The following SCAI variants were observed in gnomAD, a reference collection of about 807,000 sequenced individuals.
SCAI encodes the protein suppressor of cancer cell invasion.
SCAI carries 24 observed loss-of-function variants against 92.2 expected under a neutral mutation model. That is an observed-to-expected ratio of 0.26 (90% CI 0.19 to 0.37). The LOEUF (loss-of-function observed/expected upper bound fraction) is 0.37, where lower values mean the gene tolerates loss of function less well. Ranked by LOEUF, SCAI falls within the 10% of genes least tolerant of loss-of-function variation. The pLI, the probability that SCAI is intolerant of heterozygous loss-of-function variation, is 1.00. For synonymous variants in SCAI, 261 were observed against 258.6 expected, an observed-to-expected ratio of 1.01 and a Z score of -0.09; for missense variants, 450 against 736.2, an observed-to-expected ratio of 0.61 and a Z score of 4.50.
intron 17 of SCAI, among the ~76,000 whole-genome samples, chr9:124,956,674 AAAGGGT>A (rs1831319685): frequency 1.3e-5 from 2 of 152,212 alleles, no homozygotes; most frequent in Admixed American, 6.5e-5. Flanking sequence ...TCAATCTGAG[AAAGGGT>A]ATCTATGAAT....
chr9:125,094,843 CA>C (rs1834512236), intron 2 of SCAI, among the ~76,000 whole-genome samples: 1 of 152,148 alleles, frequency 6.6e-6, no homozygotes, highest in African/African-American at 2.4e-5. Flanking sequence ...ATGCAAACTT[CA>C]TGAGGGGAGG....
chr9:125,104,603 T>TAA lies in SCAI; in HGVS notation c.98+38028_98+38029dup, dbSNP rs34277435. On this transcript the variant is annotated intron_variant, in intron 2 of 17. Coordinates refer to ENST00000336505, the MANE Select transcript of SCAI (RefSeq NM_001144877.3). ...AGATTTCTGATCCTGTGTTTTACTT[T>TAA]AAAAAAAAAAAAAAAAAAAGGCCAG... is the stretch of plus-strand genomic sequence containing the variant. Among the ~76,000 whole-genome samples the TAA allele has an allele frequency of 2.9e-3, 383 of 130,396 alleles. 6 individuals carry two copies. Among genetic ancestry groups the TAA allele is most frequent in the Admixed American group, 0.02 (262 of 12,858 alleles). The allele number at this position is 130,396 out of a possible 152,430, so 85.5% of individuals were successfully genotyped here.
intron 2 of SCAI, among the ~76,000 whole-genome samples, chr9:125,115,875 A>G (rs191561148): frequency 6.6e-6 from 1 of 152,328 alleles, no homozygotes; most frequent in East Asian, 1.9e-4. Context: ...GAACAAAGAC[A>G]TTTATTTGTA....
In SCAI at chr9:124,948,195, G is replaced by T. The variant is rs74776933; in HGVS notation, c.*4612C>A. On this transcript the variant is annotated 3_prime_UTR_variant, in exon 18 of 18. Coordinates refer to ENST00000336505, the MANE Select transcript of SCAI (RefSeq NM_001144877.3). ...TTCTATTGCACAAAGGAAATAAAGG[G>T]CAGTAGCCAGAAGTTGGAGGGGAGG... 1.7e-4 allele frequency: 26 copies of T among 152,276 alleles called. No homozygotes were observed. Among genetic ancestry groups the T allele is most frequent in the African/African-American group, 6.3e-4 (26 of 41,560 alleles). The allele number at this position is 152,276 out of a possible 1,614,324, so 9.4% of individuals were successfully genotyped here. A position where few individuals can be genotyped will look rare whatever the true frequency, so the allele number is the denominator to read the frequency against.
chr9:125,044,366 G>A (rs1833392667), intron 3 of SCAI, among the ~76,000 whole-genome samples: 1 of 152,028 alleles, frequency 6.6e-6, no homozygotes. Flanking sequence ...ACCCTCTGTG[G>A]GATGACATGC....
rs984490669 is a variant in SCAI at position 124,946,304 on chromosome 9, GAATTT to G, written c.*6498_*6502del. 9.9e-5 allele frequency: 15 copies of G among 152,186 alleles called. No individual in the cohort carries two copies. Among genetic ancestry groups the G allele is most frequent in the African/African-American group, 3.1e-4 (13 of 41,524 alleles). The allele number at this position is 152,186 out of a possible 1,614,324, so 9.4% of individuals were successfully genotyped here. On this transcript the variant is annotated 3_prime_UTR_variant, in exon 18 of 18. Transcript: ENST00000336505. The surrounding 1 kb of genome is among the most constrained non-coding windows in gnomAD (Gnocchi z 4.0). ...GAAAAATGCTGTTATAATTATTTCT[GAATTT>G]AATACTATAATTGAAAAGTCTTATG...
intron 3 of SCAI, among the ~76,000 whole-genome samples, chr9:125,052,358 G>A (rs1302497606): frequency 2.0e-5 from 3 of 152,182 alleles, no homozygotes; most frequent in Non-Finnish European, 4.4e-5. Flanking sequence ...ATCACCTGAG[G>A]TCAGGAGTTC....
chr9:124,947,269 T>G lies in SCAI; in HGVS notation c.*5538A>C, dbSNP rs1446639781. ...AATACTTAAATATGGATCAAGAAAA[T>G]AAAGGACTACTACAGCCTAAGAATC... On this transcript the variant is annotated 3_prime_UTR_variant, in exon 18 of 18. Transcript: ENST00000336505. 1.3e-5 allele frequency: 2 copies of G among 152,148 alleles called. No individual in the cohort carries two copies. The highest frequency in any genetic ancestry group is 2.9e-5 in the Non-Finnish European group (2 of 68,014). The allele number at this position is 152,148 out of a possible 1,614,324, so 9.4% of individuals were successfully genotyped here. A position where few individuals can be genotyped will look rare whatever the true frequency, so the allele number is the denominator to read the frequency against.
chr9:125,087,652 C>CA (rs1487213360), intron 2 of SCAI, among the ~76,000 whole-genome samples: 1 of 152,088 alleles, frequency 6.6e-6, no homozygotes, highest in Non-Finnish European at 1.5e-5. Flanking sequence ...TTGTTTGGCC[C>CA]ATGTAGCATC....
intron 17 of SCAI, among the ~76,000 whole-genome samples, chr9:124,957,403 C>T (rs1422159105): frequency 6.6e-6 from 1 of 151,852 alleles, no homozygotes; most frequent in East Asian, 1.9e-4. Flanking sequence ...CACTCTGTTG[C>T]CCAGGCTGGA....
At chr9:125,032,576 ACACTC>A (rs1025937222) in intron 3 of SCAI, among the ~76,000 whole-genome samples, 1 of 149,556 alleles carries the variant, frequency 6.7e-6, no homozygotes, top group African/African-American at 2.5e-5. Context: ...TATTGTGAAG[ACACTC>A]AATGGAAGGA....
At chr9:124,972,188 C>T (rs1473959379) in intron 15 of SCAI, among the ~76,000 whole-genome samples, 1 of 152,140 alleles carries the variant, frequency 6.6e-6, no homozygotes, top group East Asian at 1.9e-4. Context: ...CAGTCTTTTT[C>T]ATTCTCTTCT....
At chr9:124,961,129 A>T (rs955500411) in intron 17 of SCAI, among the ~76,000 whole-genome samples, 17 of 126,840 alleles carry the variant, frequency 1.3e-4, no homozygotes, top group African/African-American at 4.7e-4. Context: ...GTCTCAAATT[A>T]AAAAAAAAAA....
Position 124,952,661 on chromosome 9 carries a change from C to T in SCAI, c.*146G>A. ...AAAACAGTTACCCTAAAAGTGTGAA[C>T]ATTTTTTTGTTTGTTTTTAAAATGG... On this transcript the variant is annotated 3_prime_UTR_variant, in exon 18 of 18. Coordinates refer to ENST00000336505, the MANE Select transcript of SCAI (RefSeq NM_001144877.3). 1.7e-6 allele frequency: 1 copy of T among 605,430 alleles called. No individual in the cohort carries two copies. Among genetic ancestry groups the T allele is most frequent in the South Asian group, 2.7e-5 (1 of 37,040 alleles). The allele number at this position is 605,430 out of a possible 1,614,324, so 37.5% of individuals were successfully genotyped here. A position where few individuals can be genotyped will look rare whatever the true frequency, so the allele number is the denominator to read the frequency against.
chr9:124,996,142 T>G (rs1269394683), intron 13 of SCAI, among the ~76,000 whole-genome samples: 1 of 146,366 alleles, frequency 6.8e-6, no homozygotes, highest in Non-Finnish European at 1.5e-5. Context: ...ACATGTATAG[T>G]GATTACCACG....
intron 2 of SCAI, among the ~76,000 whole-genome samples, chr9:125,059,974 G>A (rs1311448069): frequency 1.3e-5 from 2 of 152,134 alleles, no homozygotes; most frequent in African/African-American, 4.8e-5. Flanking sequence ...GCATTCAAAC[G>A]ACAACTTTTC....
intron 3 of SCAI, among the ~76,000 whole-genome samples, chr9:125,046,196 G>GATATATAT (rs71374222): frequency 0.043 from 2,227 of 51,766 alleles, 109 homozygotes; most frequent in African/African-American, 0.055. Context: ...GAAATTGTGA[G>GATATATAT]ATATATATAT....
chr9:125,139,895 T>A (rs762123233), intron 2 of SCAI, among the ~76,000 whole-genome samples: 3 of 152,192 alleles, frequency 2.0e-5, no homozygotes, highest in Non-Finnish European at 2.9e-5. Context: ...AAGTTAAATG[T>A]ATGCAGCTTT....
chr9:125,032,978 T>C (rs1833112172), intron 3 of SCAI, among the ~76,000 whole-genome samples: 1 of 152,218 alleles, frequency 6.6e-6, no homozygotes, highest in Admixed American at 6.5e-5. Flanking sequence ...ATGTGAAAAC[T>C]GATCTCTTCA....
Sources: allele counts gnomAD v4.1 joint callset (sites outside exome capture counted in the v4.1 genomes callset), GRCh38; gene constraint gnomAD v4.1.1; non-coding constraint Gnocchi (gnomAD v3.1); transcripts MANE v1.5; gene names NCBI Gene and HGNC (gene_info 2026-07-23, HGNC 2026-07-21).